Variants in LUZP2 observed in about 807,000 individuals in gnomAD.
The protein encoded by LUZP2 is leucine zipper protein 2.
A neutral mutation model predicts 51.6 loss-of-function variants in LUZP2; 52 were observed. The observed-to-expected ratio is 1.01, with a 90% confidence interval of 0.81 to 1.27. LUZP2 has a LOEUF of 1.27. Ranked by LOEUF, LUZP2 falls within the 50% of genes most tolerant of loss-of-function variation. The pLI, the probability that LUZP2 is intolerant of heterozygous loss-of-function variation, is 0.00. For missense variants in LUZP2, 436 were observed against 395.4 expected (o/e 1.10, Z -0.87); for synonymous variants, 154 against 137.3 (o/e 1.12, Z -0.85).
At chr11:24,884,769 T>C (rs553168141) in intron 5 of LUZP2, among the ~76,000 whole-genome samples, 3 of 152,130 alleles carry the variant, frequency 2.0e-5, no homozygotes, top group South Asian at 4.1e-4. Flanking sequence ...ACTTCCTAAA[T>C]AGGTGCTTCT....
intron 1 of LUZP2, among the ~76,000 whole-genome samples, chr11:24,569,768 G>A (rs188193905): frequency 7.2e-5 from 11 of 151,946 alleles, no homozygotes; most frequent in Admixed American, 6.6e-4. Context: ...TGCTGAATGA[G>A]CACCTAAACT....
intron 9 of LUZP2, among the ~76,000 whole-genome samples, chr11:24,996,436 T>G (rs1247818537): frequency 2.0e-5 from 3 of 151,888 alleles, no homozygotes; most frequent in Non-Finnish European, 2.9e-5. Context: ...TTCTATTAAA[T>G]TATGAAACTT....
chr11:24,988,171 A>G (rs897226083), intron 9 of LUZP2, among the ~76,000 whole-genome samples: 2 of 151,998 alleles, frequency 1.3e-5, no homozygotes, highest in African/African-American at 2.4e-5. Context: ...TCCATCAATC[A>G]CTAACCATTT....
chr11:24,777,839 A>C (rs1184616023), intron 5 of LUZP2, among the ~76,000 whole-genome samples: 3 of 152,094 alleles, frequency 2.0e-5, no homozygotes, highest in Non-Finnish European at 4.4e-5. Flanking sequence ...TGAGTATACA[A>C]CATGAAATCT....
chr11:24,824,288 C>T (rs1288356447), intron 5 of LUZP2, among the ~76,000 whole-genome samples: 3 of 139,814 alleles, frequency 2.1e-5, no homozygotes, highest in African/African-American at 5.3e-5. Context: ...ATAGCTTGAA[C>T]CCGGGAAGTG....
At chr11:24,938,453 C>A (rs1398933165) in intron 7 of LUZP2, among the ~76,000 whole-genome samples, 1 of 152,060 alleles carries the variant, frequency 6.6e-6, no homozygotes, top group Non-Finnish European at 1.5e-5. Flanking sequence ...GACTCCTTTG[C>A]TATAATAATT....
intron 1 of LUZP2, among the ~76,000 whole-genome samples, chr11:24,649,613 C>A (rs1232909351): frequency 6.6e-6 from 1 of 151,982 alleles, no homozygotes; most frequent in East Asian, 1.9e-4. Context: ...TATATTTTTG[C>A]TTTAGGTAAT....
chr11:25,039,996 G>A (rs961773954), intron 9 of LUZP2, among the ~76,000 whole-genome samples: 3 of 151,884 alleles, frequency 2.0e-5, no homozygotes, highest in African/African-American at 7.3e-5. Context: ...CATGATTTTG[G>A]GAGGATCATG....
intron 5 of LUZP2, among the ~76,000 whole-genome samples, chr11:24,779,867 G>A (rs926403781): frequency 2.0e-5 from 3 of 152,084 alleles, no homozygotes; most frequent in African/African-American, 7.2e-5. Context: ...TATGAAGACA[G>A]GGTGAGAGAA....
intron 9 of LUZP2, among the ~76,000 whole-genome samples, chr11:25,003,461 G>T (rs1464431388): frequency 6.6e-6 from 1 of 152,150 alleles, no homozygotes; most frequent in Non-Finnish European, 1.5e-5. Flanking sequence ...GTATAGGGGT[G>T]GGTATAACTG....
intron 7 of LUZP2, among the ~76,000 whole-genome samples, chr11:24,964,370 G>T (rs1204324996): frequency 9.8e-5 from 15 of 152,296 alleles, no homozygotes. Flanking sequence ...ATAACAGGAT[G>T]TATGTGGGAT....
intron 1 of LUZP2, among the ~76,000 whole-genome samples, chr11:24,546,390 C>G (rs1851543311): frequency 2.0e-5 from 3 of 152,020 alleles, no homozygotes; most frequent in African/African-American, 7.2e-5. Flanking sequence ...CCAGCTCCTC[C>G]CTGTTTAGTA....
chr11:24,646,872 G>A (rs2133955036), intron 1 of LUZP2, among the ~76,000 whole-genome samples: 1 of 152,116 alleles, frequency 6.6e-6, no homozygotes, highest in Admixed American at 6.6e-5. Context: ...CATGGGAAAT[G>A]AAAGTATTTT....
intron 1 of LUZP2, among the ~76,000 whole-genome samples, chr11:24,676,785 T>C (rs928624314): frequency 6.6e-6 from 1 of 152,084 alleles, no homozygotes; most frequent in African/African-American, 2.4e-5. Context: ...TGCCTCAGCC[T>C]CCCAAGTAGC....
chr11:24,893,667 A>G (rs1565066980), intron 5 of LUZP2, among the ~76,000 whole-genome samples: 1 of 152,090 alleles, frequency 6.6e-6, no homozygotes, highest in Non-Finnish European at 1.5e-5. Flanking sequence ...TTTATTTTCC[A>G]TATTTTCAGT....
At chr11:24,776,994 GTTTT>G (rs34070504) in intron 5 of LUZP2, among the ~76,000 whole-genome samples, 1 of 136,796 alleles carries the variant, frequency 7.3e-6, no homozygotes. Flanking sequence ...ACTGTAAGTA[GTTTT>G]TTTTTTTTTT....
chr11:24,992,148 G>A (rs1219243167), intron 9 of LUZP2, among the ~76,000 whole-genome samples: 4 of 151,824 alleles, frequency 2.6e-5, no homozygotes, highest in Non-Finnish European at 5.9e-5. Context: ...AAATTCCCTG[G>A]CTAGCCTGTG....
chr11:24,868,017 A>G (rs1038312679), intron 5 of LUZP2, among the ~76,000 whole-genome samples: 1 of 152,196 alleles, frequency 6.6e-6, no homozygotes, highest in African/African-American at 2.4e-5. Context: ...CATGGCCAGC[A>G]TCTTCACAGC....
chr11:24,499,359 A>G (rs969487687), intron 1 of LUZP2, among the ~76,000 whole-genome samples: 3 of 152,222 alleles, frequency 2.0e-5, no homozygotes, highest in African/African-American at 4.8e-5. Context: ...TGCAAAGAAG[A>G]GAATATGTTT....
Sources: gnomAD v4.1 joint callset for allele counts (sites outside exome capture counted in the v4.1 genomes callset) on GRCh38, gnomAD v4.1.1 for gene constraint, MANE v1.5 for transcripts, NCBI Gene and HGNC (gene_info 2026-07-23, HGNC 2026-07-21) for gene names.